Variants in TNFRSF10A observed in about 807,000 individuals in gnomAD.
TNFRSF10A encodes the protein TNF receptor superfamily member 10a.
TNFRSF10A carries 44 observed loss-of-function variants against 42.8 expected under a neutral mutation model. The observed-to-expected ratio is 1.03, with a 90% CI of 0.81 to 1.32. The LOEUF (loss-of-function observed/expected upper bound fraction) is 1.32. Among genes scored for constraint, TNFRSF10A ranks in the 40% most tolerant of loss-of-function variants. The probability of loss-of-function intolerance (pLI) is 0.00; values close to 1 mark genes in which losing one functional copy is unlikely to be tolerated. For missense variants in TNFRSF10A, 680 were observed against 602.0 expected, an observed-to-expected ratio of 1.13 and a Z score of -1.36; for synonymous variants, 259 against 234.2, an observed-to-expected ratio of 1.11 and a Z score of -0.97.
Position 23,202,713 on chromosome 8 carries a change from C to CCCT in TNFRSF10A, c.449_451dup (p.Glu150dup), listed in dbSNP as rs753164274. The stretch of plus-strand genomic sequence containing the variant: ...GTTGGAAGCATTGGTGTAACCCACA[C>CCCT]CCTCTGTGCACCGGTTACAGGCTCC... On this transcript the variant is annotated inframe_insertion, in exon 3 of 10. Coordinates refer to ENST00000221132, the MANE Select transcript of TNFRSF10A (RefSeq NM_003844.4). The CCCT allele has an allele frequency of 6.2e-7, 1 of 1,614,056 alleles. No homozygotes were observed. Among genetic ancestry groups the CCCT allele is most frequent in the East Asian group, 2.2e-5 (1 of 44,872 alleles).
At chr8:23,220,048 C>A (rs971380130) in intron 1 of TNFRSF10A, among the ~76,000 whole-genome samples, 1 of 152,144 alleles carries the variant, frequency 6.6e-6, no homozygotes, top group South Asian at 2.1e-4. Context: ...CCCCTCCTGG[C>A]CACAGGCGAG....
intron 3 of TNFRSF10A, 121 bp downstream of exon 3, chr8:23,202,527 G>T: frequency 1.4e-6 from 1 of 725,570 alleles, no homozygotes; most frequent in Non-Finnish European, 2.5e-6. Context: ...CATAACCATG[G>T]AACAGGGTAT....
At chr8:23,196,540 G>C (rs964482218) in intron 9 of TNFRSF10A, among the ~76,000 whole-genome samples, 6 of 152,104 alleles carry the variant, frequency 3.9e-5, no homozygotes, top group Non-Finnish European at 8.8e-5. Context: ...CCTAGTTTTA[G>C]TCCATCAGGG....
rs371840257 is a variant in TNFRSF10A, at chr8:23,200,491, C to G, written c.799+14G>C. 3.7e-6 allele frequency: 6 copies of G among 1,614,004 alleles called. No homozygotes were observed. The highest frequency in any genetic ancestry group is 5.1e-6 in the Non-Finnish European group (6 of 1,179,986). ...AGAGAGTGCCCAGAGCCCTTGCCCT[C>G]AGCCAGCACCTACCTGAGCCGATGC... On this transcript the variant is annotated intron_variant, in intron 6 of 9. Coordinates refer to ENST00000221132, the MANE Select transcript of TNFRSF10A (RefSeq NM_003844.4).
chr8:23,209,769 G>A (rs910556690), intron 2 of TNFRSF10A, among the ~76,000 whole-genome samples: 10 of 152,250 alleles, frequency 6.6e-5, no homozygotes, highest in African/African-American at 4.8e-5. Context: ...ATAGGCAGAA[G>A]GGACTTGCTT....
chr8:23,208,226 G>T (rs1801045372), intron 2 of TNFRSF10A, among the ~76,000 whole-genome samples: 1 of 152,178 alleles, frequency 6.6e-6, no homozygotes, highest in South Asian at 2.1e-4. Context: ...AAAGAGAGTG[G>T]TGGCATTTTG....
chr8:23,197,409 A>G, intron 8 of TNFRSF10A: 1 of 596,568 alleles, frequency 1.7e-6, no homozygotes, highest in East Asian at 2.9e-5. Context: ...ACCCGGTCAG[A>G]TCAGTGGCAA....
At chr8:23,221,688 C>G (rs1276386851) in intron 1 of TNFRSF10A, among the ~76,000 whole-genome samples, 1 of 152,174 alleles carries the variant, frequency 6.6e-6, no homozygotes, top group African/African-American at 2.4e-5. Flanking sequence ...TGCTCCCTCC[C>G]CAACGGTCTA....
intron 1 of TNFRSF10A, among the ~76,000 whole-genome samples, chr8:23,220,414 G>C (rs189358348): frequency 6.6e-6 from 1 of 152,224 alleles, no homozygotes; most frequent in Non-Finnish European, 1.5e-5. Context: ...CTGAAGCTTA[G>C]ACACTCAGGC....
chr8:23,191,915 CA>C lies in TNFRSF10A; in HGVS notation c.1185del (p.Asp395GlufsTer18). 6.2e-7 allele frequency: 1 copy of C among 1,614,208 alleles called. No individual in the cohort carries two copies. The highest frequency in any genetic ancestry group is 8.5e-7 in the Non-Finnish European group (1 of 1,180,050). The part of the protein sequence containing the change: ...RQLDLTKNEI[D>X]VVRAGTAGPG... ...GGGCCTGCTGTACCAGCTCTGACCACATCGATCTCATTTTTCGTGAGGTCCA... is the reference window on the plus strand; with the variant it reads ...GGGCCTGCTGTACCAGCTCTGACCACTCGATCTCATTTTTCGTGAGGTCCA... On this transcript the variant is annotated frameshift_variant, in exon 10 of 10. Transcript: ENST00000221132. LOFTEE classifies it low-confidence loss of function (END_TRUNC).
rs1321411911 is a variant in TNFRSF10A at position 23,197,167 on chromosome 8, A to T, written c.1052T>A (p.Leu351Gln). The change falls in exon 9 of 10, where the codon CTG becomes CAG. Residue 351 changes from leucine to glutamine, a missense_variant. Transcript: ENST00000221132. ...GTCAGCACCATTTGCTGGAACCAGC[A>T]GCCTCCTCCTCTGAGACCCTTCAGC... ...AEAEGSQRRR[L>Q]LVPANGADPT... 1 of 1,614,188 alleles carries T rather than the reference A, an allele frequency of 6.2e-7. No individual in the cohort carries two copies. The highest frequency in any genetic ancestry group is 8.5e-7 in the Non-Finnish European group (1 of 1,180,012).
Position 23,224,913 on chromosome 8 carries a change from C to A in TNFRSF10A, c.149G>T (p.Gly50Val), listed in dbSNP as rs1243733281. The A allele has an allele frequency of 1.6e-5, 26 of 1,597,402 alleles. No individual in the cohort carries two copies. The highest frequency in any genetic ancestry group is 2.0e-5 in the Non-Finnish European group (23 of 1,172,342). Residue 50 changes from glycine (G) to valine (V), a missense_variant, in exon 1 of 10, where the codon GGG becomes GTG. Gly to Val is a moderately radical substitution (Grantham distance 109, BLOSUM62 -3). Transcript: ENST00000221132. The stretch of plus-strand genomic sequence containing the variant: ...GGAGGTAGGGAGCGCTCCTCGGCCC[C>A]CGCCTCGTGGTTCAATCCTCCCCGC... Reference protein sequence around the residue: ...SSAGRIEPRGGGRGALPTSMG... With the variant: ...SSAGRIEPRGVGRGALPTSMG...
intron 1 of TNFRSF10A, 147 bp downstream of exon 1, chr8:23,224,609 C>A: frequency 2.1e-5 from 24 of 1,125,024 alleles, no homozygotes; most frequent in Non-Finnish European, 2.8e-5. Flanking sequence ...CGTTCTTCCT[C>A]CGACTCCGAC....
intron 6 of TNFRSF10A, 77 bp from the exon 7 acceptor site, chr8:23,199,994 A>C: frequency 3.8e-6 from 3 of 791,426 alleles, no homozygotes; most frequent in Non-Finnish European, 6.2e-6. Flanking sequence ...AGTGTTGGGC[A>C]GGGGTGGGCT....
intron 9 of TNFRSF10A, among the ~76,000 whole-genome samples, chr8:23,194,650 G>A (rs1415711598): frequency 1.3e-5 from 2 of 152,158 alleles, no homozygotes; most frequent in Admixed American, 6.5e-5. Flanking sequence ...AGCACCTGAT[G>A]TTCACTGGCT....
At chr8:23,215,377 G>A (rs1016747486) in intron 1 of TNFRSF10A, among the ~76,000 whole-genome samples, 1 of 151,968 alleles carries the variant, frequency 6.6e-6, no homozygotes, top group Non-Finnish European at 1.5e-5. Flanking sequence ...GCGTGGTGGT[G>A]GGCACCTGTA....
intron 1 of TNFRSF10A, 109 bp downstream of exon 1, chr8:23,224,647 C>G: frequency 7.2e-7 from 1 of 1,384,654 alleles, no homozygotes. Context: ...CGGACATGCC[C>G]CGCCACAAGT....
chr8:23,198,539 C>T (rs1800857394), intron 8 of TNFRSF10A, among the ~76,000 whole-genome samples: 2 of 151,538 alleles, frequency 1.3e-5, no homozygotes, highest in South Asian at 4.2e-4. Flanking sequence ...CTCTGAGAGA[C>T]AAGACACTGA....
chr8:23,206,434 T>A lies in TNFRSF10A; in HGVS notation c.404-3673A>T, dbSNP rs574795722. On this transcript the variant is annotated intron_variant, in intron 2 of 9. Coordinates refer to ENST00000221132, the MANE Select transcript of TNFRSF10A (RefSeq NM_003844.4). Reference sequence around the variant, plus strand: ...CTACATCATCTTTTTTAACCTTTTATACCATATTTTTATTGGGCCTTTTCT... The same window carrying A: ...CTACATCATCTTTTTTAACCTTTTAAACCATATTTTTATTGGGCCTTTTCT... Among the ~76,000 whole-genome samples the A allele has an allele frequency of 5.9e-5, 9 of 152,250 alleles. 1 individual carries two copies. The highest frequency in any genetic ancestry group is 1.0e-4 in the Non-Finnish European group (7 of 68,050).
Sources: allele counts gnomAD v4.1 joint callset (sites outside exome capture counted in the v4.1 genomes callset), GRCh38; gene constraint gnomAD v4.1.1; transcripts MANE v1.5; gene names NCBI Gene and HGNC (gene_info 2026-07-23, HGNC 2026-07-21).